DNMBP: variants seen among roughly 807,000 people sequenced by gnomAD.
DNMBP encodes dynamin binding protein.
DNMBP carries 87 observed loss-of-function variants against 150.0 expected under a neutral mutation model. The observed-to-expected ratio is 0.58, with a 90% CI of 0.49 to 0.69. The LOEUF is 0.69. DNMBP is among the 30% of genes least tolerant of loss of function. The probability of loss-of-function intolerance (pLI) is 0.00; values close to 1 mark genes in which losing one functional copy is unlikely to be tolerated. For synonymous variants in DNMBP, 711 were observed against 750.4 expected (o/e 0.95, Z 0.86); for missense variants, 1,774 against 1,949.0 (o/e 0.91, Z 1.69).
chr10:99,889,024 C>A, intron 11 of DNMBP, 71 bp from the exon 12 acceptor site: 1 of 1,559,324 alleles, frequency 6.4e-7, no homozygotes, highest in South Asian at 1.2e-5. Flanking sequence ...CATTCCAAGA[C>A]TGAATAGCAG....
At chr10:99,912,358 C>G (rs1002994695) in intron 4 of DNMBP, among the ~76,000 whole-genome samples, 1 of 152,158 alleles carries the variant, frequency 6.6e-6, no homozygotes, top group Admixed American at 6.5e-5. Flanking sequence ...TAGTTGAAAA[C>G]ACAAAGTACC....
intron 16 of DNMBP, among the ~76,000 whole-genome samples, chr10:99,878,864 C>T (rs1329214141): frequency 1.3e-5 from 2 of 152,044 alleles, no homozygotes; most frequent in African/African-American, 2.4e-5. Flanking sequence ...GGGTGGCTCA[C>T]GCCTGTAATC....
chr10:99,894,069 G>A (rs965575811), intron 11 of DNMBP, among the ~76,000 whole-genome samples: 12 of 151,960 alleles, frequency 7.9e-5, no homozygotes, highest in African/African-American at 2.9e-4. Flanking sequence ...CCAGCACTTC[G>A]GGAGGCCAGT....
chr10:99,993,478 T>G (rs1199121554), intron 1 of DNMBP, among the ~76,000 whole-genome samples: 3 of 152,226 alleles, frequency 2.0e-5, no homozygotes, highest in Non-Finnish European at 4.4e-5. Context: ...GTGTCTCTCC[T>G]CTTTCCGAAA....
At chr10:99,990,646 T>C (rs2040875589) in intron 1 of DNMBP, among the ~76,000 whole-genome samples, 1 of 149,732 alleles carries the variant, frequency 6.7e-6, no homozygotes, top group East Asian at 1.9e-4. Flanking sequence ...ACAGTGTGTG[T>C]ATAAGTGTAT....
At chr10:99,955,011 C>T (rs1452406105) in intron 4 of DNMBP, among the ~76,000 whole-genome samples, 1 of 151,116 alleles carries the variant, frequency 6.6e-6, no homozygotes, top group Non-Finnish European at 1.5e-5. Context: ...CAAGTTCATG[C>T]CACTGCACTC....
Position 99,962,850 on chromosome 10 carries a change from G to C in DNMBP, c.269-5645C>G, listed in dbSNP as rs560565305. Among the ~76,000 whole-genome samples, 41 of 152,068 alleles carry C rather than the reference G, an allele frequency of 2.7e-4. 1 individual carries two copies. The South Asian group carries it at 8.3e-3, about 31-fold the overall frequency. On this transcript the variant is annotated intron_variant, in intron 3 of 16. Coordinates refer to ENST00000324109, the MANE Select transcript of DNMBP (RefSeq NM_015221.4). ...GCTGTAGAATTATGCTATTTTCCTTGTTTTGTCAGATCCCCCTGAACCCAT... is the reference window on the plus strand; with the variant it reads ...GCTGTAGAATTATGCTATTTTCCTTCTTTTGTCAGATCCCCCTGAACCCAT...
intron 10 of DNMBP, among the ~76,000 whole-genome samples, chr10:99,895,842 T>C (rs899161460): frequency 3.3e-5 from 5 of 152,226 alleles, no homozygotes; most frequent in African/African-American, 1.2e-4. Context: ...TACCTTAATA[T>C]ATATAGTATA....
rs148462221 is a variant in DNMBP, at chr10:99,921,069, A to G, written c.2261-11923T>C. Among the ~76,000 whole-genome samples the G allele has an allele frequency of 4.5e-4, 68 of 152,206 alleles. No individual in the cohort carries two copies. In the East Asian group the frequency reaches 0.012, roughly 27 times the overall value. On this transcript the variant is annotated intron_variant, in intron 4 of 16. Transcript: ENST00000324109. ...AGTTCCGCAAGGAACATCACTTACT[A>G]TGGGAGGCCTCTTTCTAATCATCCA...
At chr10:99,967,771 T>C (rs1021595215) in intron 3 of DNMBP, among the ~76,000 whole-genome samples, 4 of 152,112 alleles carry the variant, frequency 2.6e-5, no homozygotes, top group East Asian at 1.9e-4. Flanking sequence ...CAAGTAATGA[T>C]ATTAATAACA....
chr10:99,886,283 A>G lies in DNMBP; in HGVS notation c.3618+17T>C, dbSNP rs1554858759. On this transcript the variant is annotated intron_variant, in intron 13 of 16. Coordinates refer to ENST00000324109, the MANE Select transcript of DNMBP (RefSeq NM_015221.4). ...AGGCTATAGATGACCATCCCACTGA[A>G]CAGGTAAGAAACTCACCGAAAGCAG... 1 of 1,597,060 alleles carries G rather than the reference A, an allele frequency of 6.3e-7. No individual in the cohort carries two copies. Among genetic ancestry groups the G allele is most frequent in the South Asian group, 1.1e-5 (1 of 90,192 alleles).
chr10:99,913,636 AC>A (rs1463380623), intron 4 of DNMBP, among the ~76,000 whole-genome samples: 7 of 151,208 alleles, frequency 4.6e-5, no homozygotes, highest in Non-Finnish European at 1.0e-4. Context: ...ATTGTGGCTT[AC>A]CCCCCACCCC....
At chr10:99,925,764 TATACAC>T (rs931660814) in intron 4 of DNMBP, among the ~76,000 whole-genome samples, 17 of 152,222 alleles carry the variant, frequency 1.1e-4, no homozygotes, top group East Asian at 1.9e-4. Context: ...CATTTATGTC[TATACAC>T]ATACACATAC....
rs934132272 is a variant in DNMBP at position 100,003,278 on chromosome 10, C to T, written c.-11+6560G>A. On this transcript the variant is annotated intron_variant, in intron 1 of 16. Transcript: ENST00000324109. ...AGGAGAATTGCTTGAACCTGGGAGG[C>T]GGAGGTTACAGTGAGCAGAGATCGA... Among the ~76,000 whole-genome samples the T allele has an allele frequency of 4.6e-5, 7 of 152,096 alleles. No homozygotes were observed. In the East Asian group the frequency reaches 5.8e-4, roughly 13 times the overall value.
At chr10:99,978,224 C>T (rs144643075) in intron 1 of DNMBP, among the ~76,000 whole-genome samples, 2 of 152,234 alleles carry the variant, frequency 1.3e-5, no homozygotes, top group African/African-American at 4.8e-5. Context: ...ATTCCCATGC[C>T]CACGTTCTTT....
intron 1 of DNMBP, among the ~76,000 whole-genome samples, chr10:99,990,747 GTATATACACA>G (rs10531742): frequency 0.064 from 8,803 of 137,546 alleles, 490 homozygotes; most frequent in East Asian, 0.33. Flanking sequence ...ATATGCACAT[GTATATACACA>G]TATATACACA....
chr10:99,915,943 T>C (rs2039961157), intron 4 of DNMBP, among the ~76,000 whole-genome samples: 1 of 152,324 alleles, frequency 6.6e-6, no homozygotes, highest in African/African-American at 2.4e-5. Flanking sequence ...TGTCTCTTTT[T>C]TTCCCAGGAA....
At chr10:99,989,580 G>A (rs1187548603) in intron 1 of DNMBP, among the ~76,000 whole-genome samples, 2 of 152,124 alleles carry the variant, frequency 1.3e-5, no homozygotes, top group African/African-American at 4.8e-5. Flanking sequence ...GTGTGGTGGT[G>A]GGCACCTGTG....
Position 99,880,186 on chromosome 10 carries a change from A to C in DNMBP, c.4173T>G (p.Ala1391=). The change falls in exon 16 of 17, where the codon GCT becomes GCG. Residue 1391 remains alanine (A), a synonymous_variant. Coordinates refer to ENST00000324109, the MANE Select transcript of DNMBP (RefSeq NM_015221.4). ...GGCAAGACCCCGAGGTAAAGGATAC[A>C]GCCATGCTGCTGGGGTTGAAGGTCA... ...STLTFNPSSM[A]VSFTSGSCQK... The C allele has an allele frequency of 1.9e-6, 3 of 1,614,216 alleles. No individual in the cohort carries two copies. The highest frequency in any genetic ancestry group is 2.5e-6 in the Non-Finnish European group (3 of 1,180,050).
Sources: gnomAD v4.1 joint callset for allele counts (sites outside exome capture counted in the v4.1 genomes callset) on GRCh38, gnomAD v4.1.1 for gene constraint, MANE v1.5 for transcripts, NCBI Gene and HGNC (gene_info 2026-07-23, HGNC 2026-07-21) for gene names.